Variants in L2HGDH observed in about 807,000 individuals in gnomAD.
L2HGDH encodes the protein L-2-hydroxyglutarate dehydrogenase, mitochondrial.
In L2HGDH, 34 loss-of-function variants were observed where a neutral mutation model predicts 51.5. That is an observed-to-expected ratio of 0.66 (90% CI 0.50 to 0.88). The LOEUF is 0.88. L2HGDH is among the 40% of genes least tolerant of loss of function. The probability of loss-of-function intolerance (pLI) is 0.00; values close to 1 mark genes in which losing one functional copy is unlikely to be tolerated. For missense variants in L2HGDH, 558 were observed against 571.9 expected (o/e 0.98, Z 0.25); for synonymous variants, 198 against 197.9 (o/e 1.00, Z -0.01).
At chr14:50,311,941 C>T in intron 1 of L2HGDH, 70 bp downstream of exon 1, 1 of 1,531,088 alleles carries the variant, frequency 6.5e-7, no homozygotes, top group African/African-American at 1.4e-5. Context: ...AACAGGGGCA[C>T]AGGTCCACCA....
rs780582737 is a variant in L2HGDH at position 50,312,170 on chromosome 14, C to A, written c.-20G>T. ...CACCATCCCCTACGCACGCTCCCCT[C>A]CCTCAGCGCTCAGAAGAAGCCACTT... is the stretch of plus-strand genomic sequence containing the variant. On this transcript the variant is annotated 5_prime_UTR_variant, in exon 1 of 10. Coordinates refer to ENST00000267436, the MANE Select transcript of L2HGDH (RefSeq NM_024884.3). 1.2e-6 allele frequency: 2 copies of A among 1,608,280 alleles called. No homozygotes were observed. Among genetic ancestry groups the A allele is most frequent in the Non-Finnish European group, 1.7e-6 (2 of 1,179,094 alleles).
At chr14:50,304,692 A>G (rs1325113694) in intron 1 of L2HGDH, among the ~76,000 whole-genome samples, 4 of 152,058 alleles carry the variant, frequency 2.6e-5, no homozygotes, top group East Asian at 3.9e-4. Context: ...AAAATTAGCC[A>G]GGCGTGGTGG....
intron 9 of L2HGDH, among the ~76,000 whole-genome samples, chr14:50,255,767 C>T (rs1460962784): frequency 6.6e-6 from 1 of 151,900 alleles, no homozygotes; most frequent in African/African-American, 2.4e-5. Context: ...GGCAGGGTGG[C>T]TCAGGCCCAA....
chr14:50,308,827 A>T (rs937461652), intron 1 of L2HGDH, among the ~76,000 whole-genome samples: 1 of 152,248 alleles, frequency 6.6e-6, no homozygotes, highest in African/African-American at 2.4e-5. Flanking sequence ...TAGTAGCTTT[A>T]TTCGTAATAG....
chr14:50,308,259 G>A (rs563083921), intron 1 of L2HGDH, among the ~76,000 whole-genome samples: 5 of 152,240 alleles, frequency 3.3e-5, no homozygotes, highest in East Asian at 1.9e-4. Flanking sequence ...GCATGGTGGC[G>A]CATGCCTGTA....
intron 5 of L2HGDH, among the ~76,000 whole-genome samples, chr14:50,283,512 T>C (rs1890390655): frequency 6.6e-6 from 1 of 151,986 alleles, no homozygotes; most frequent in South Asian, 2.1e-4. Flanking sequence ...AAAAAATCAA[T>C]ATAAGTACAG....
In L2HGDH at chr14:50,312,139, C is replaced by T. The variant is rs2031265818; in HGVS notation, c.12G>A (p.Ala4=). The part of the protein sequence containing the change: MVP[A]LRYLVGACGR... ...CGCAGGCACCAACCAAATAACGCAG[C>T]GCTGGCACCATCCCCTACGCACGCT... The change falls in exon 1 of 10, where the codon GCG becomes GCA. Residue 4 remains alanine, a synonymous_variant. Transcript: ENST00000267436. The T allele has an allele frequency of 6.2e-7, 1 of 1,610,430 alleles. No individual in the cohort carries two copies. The highest frequency in any genetic ancestry group is 8.5e-7 in the Non-Finnish European group (1 of 1,179,236).
chr14:50,292,130 T>A (rs182415944), intron 4 of L2HGDH, among the ~76,000 whole-genome samples: 1 of 152,128 alleles, frequency 6.6e-6, no homozygotes, highest in South Asian at 2.1e-4. Flanking sequence ...AAGACTTCCA[T>A]ACTGAAAATT....
At chr14:50,252,818 C>A (rs1251169628) in intron 9 of L2HGDH, among the ~76,000 whole-genome samples, 1 of 151,994 alleles carries the variant, frequency 6.6e-6, no homozygotes, top group Non-Finnish European at 1.5e-5. Context: ...AAGAGATAGA[C>A]CCCAATATAA....
Position 50,242,513 on chromosome 14 carries a change from A to C in L2HGDH, c.*4545T>G. ...AATTAACAACATCAACAACAACAAC[A>C]AACCCACAATACTTTCTAGGATTTG... On this transcript the variant is annotated 3_prime_UTR_variant, in exon 10 of 10. Transcript: ENST00000267436. 1 of 982,878 alleles carries C rather than the reference A, an allele frequency of 1.0e-6. No homozygotes were observed. Among genetic ancestry groups the C allele is most frequent in the Non-Finnish European group, 1.2e-6 (1 of 827,614 alleles). 60.9% of individuals were successfully genotyped at this position (982,878 alleles called of 1,614,324 possible).
At chr14:50,249,183 C>T (rs1026993209) in intron 9 of L2HGDH, among the ~76,000 whole-genome samples, 1 of 152,212 alleles carries the variant, frequency 6.6e-6, no homozygotes, top group African/African-American at 2.4e-5. Context: ...CAAGCCTCAC[C>T]ACCGTGGGCT....
chr14:50,247,083 T>A lies in L2HGDH; in HGVS notation c.1367A>T (p.Glu456Val). The A allele has an allele frequency of 1.2e-6, 2 of 1,613,816 alleles. No individual in the cohort carries two copies. Among genetic ancestry groups the A allele is most frequent in the South Asian group, 2.2e-5 (2 of 91,062 alleles). The change falls in exon 10 of 10, where the codon GAA (glutamate) becomes GTA (valine). Residue 456 changes from glutamate to valine, a missense_variant. Glu to Val is a moderately radical substitution (Grantham distance 121). Around this residue, in one of 3 missense-constraint regions of L2HGDH, gnomAD observed 321 missense variants for 311.8 expected, o/e 1.03. Coordinates refer to ENST00000267436, the MANE Select transcript of L2HGDH (RefSeq NM_024884.3). The part of the protein sequence containing the change: ...SIAISGMIAD[E>V]VQQRFEL ...TTATAATTCAAATCTTTGTTGTACT[T>A]CATCTGCAATCATTCCAGAAATTGC...
chr14:50,280,806 G>T (rs887955738), intron 5 of L2HGDH, among the ~76,000 whole-genome samples: 1 of 149,788 alleles, frequency 6.7e-6, no homozygotes, highest in African/African-American at 2.5e-5. Context: ...GAGCCACTGC[G>T]CCCAGCCCTA....
chr14:50,254,135 C>G (rs1888519013), intron 9 of L2HGDH, among the ~76,000 whole-genome samples: 1 of 151,966 alleles, frequency 6.6e-6, no homozygotes, highest in South Asian at 2.1e-4. Context: ...GATAGCACGA[C>G]AGGGAGACCA....
intron 4 of L2HGDH, chr14:50,287,079 C>T: frequency 1.6e-6 from 1 of 613,620 alleles, no homozygotes; most frequent in Non-Finnish European, 2.0e-6. Flanking sequence ...GCTGTGTGAC[C>T]CTGGGAAAGT....
At chr14:50,249,882 C>CTTTTTTT (rs747924080) in intron 9 of L2HGDH, among the ~76,000 whole-genome samples, 9 of 68,956 alleles carry the variant, frequency 1.3e-4, no homozygotes, top group South Asian at 7.5e-4. Flanking sequence ...GCTTACACTC[C>CTTTTTTT]TTTTTTTTTT....
At chr14:50,257,651 G>A (rs990989205) in intron 9 of L2HGDH, among the ~76,000 whole-genome samples, 4 of 152,014 alleles carry the variant, frequency 2.6e-5, no homozygotes, top group Non-Finnish European at 4.4e-5. Flanking sequence ...GATTACAGAA[G>A]TGGGCCACCA....
chr14:50,295,553 T>C lies in L2HGDH; in HGVS notation c.409-1307A>G, dbSNP rs117382920. 8.2e-3 allele frequency among the ~76,000 whole-genome samples: 1,235 copies of C among 150,096 alleles called. 53 individuals carry two copies. In the South Asian group the frequency reaches 0.14, roughly 17 times the overall value. Reference sequence around the variant, plus strand: ...TCCCTAGAAGCTGGGACTACAGGCATGTGCACCACACTCGGCTAATTTTTT... The same window carrying C: ...TCCCTAGAAGCTGGGACTACAGGCACGTGCACCACACTCGGCTAATTTTTT... On this transcript the variant is annotated intron_variant, in intron 3 of 9. Transcript: ENST00000267436.
intron 9 of L2HGDH, among the ~76,000 whole-genome samples, chr14:50,262,098 A>G (rs1889058912): frequency 6.6e-6 from 1 of 152,196 alleles, no homozygotes; most frequent in Non-Finnish European, 1.5e-5. Context: ...GTTGCAAGAC[A>G]AAGGAGACAA....
Sources: allele counts gnomAD v4.1 joint callset (sites outside exome capture counted in the v4.1 genomes callset), GRCh38; gene constraint gnomAD v4.1.1; regional missense constraint gnomAD v4.1.1; transcripts MANE v1.5; gene names NCBI Gene and HGNC (gene_info 2026-07-23, HGNC 2026-07-21).